The following NFATC3 variants were observed in gnomAD, a reference collection of about 807,000 sequenced individuals.
NFATC3 encodes nuclear factor of activated T cells 3.
A neutral mutation model predicts 98.6 loss-of-function variants in NFATC3; 46 were observed. The observed-to-expected ratio is 0.47, with a 90% CI of 0.37 to 0.60. The LOEUF is 0.60. Ranked by LOEUF, NFATC3 falls within the 20% of genes least tolerant of loss-of-function variation. NFATC3 has a pLI of 0.00. For missense variants in NFATC3, 1,256 were observed against 1,295.5 expected (o/e 0.97, Z 0.47); for synonymous variants, 512 against 472.2 (o/e 1.08, Z -1.09).
chr16:68,119,760 A>G (rs1209980092), intron 1 of NFATC3, among the ~76,000 whole-genome samples: 1 of 152,102 alleles, frequency 6.6e-6, no homozygotes, highest in Non-Finnish European at 1.5e-5. Context: ...AAATATCACT[A>G]CCTGACATAT....
At chr16:68,158,172 G>A in intron 4 of NFATC3, 104 bp downstream of exon 4, 1 of 715,914 alleles carries the variant, frequency 1.4e-6, no homozygotes, top group Non-Finnish European at 2.2e-6. Context: ...TGTTCTAAAT[G>A]GCATTATGTA....
At chr16:68,129,287 G>C (rs1220295114) in intron 3 of NFATC3, among the ~76,000 whole-genome samples, 1 of 152,116 alleles carries the variant, frequency 6.6e-6, no homozygotes, top group Non-Finnish European at 1.5e-5. Flanking sequence ...AAACAGCTGA[G>C]TCTCTCGTTA....
chr16:68,177,943 G>A (rs1598514953), intron 6 of NFATC3, among the ~76,000 whole-genome samples: 1 of 152,158 alleles, frequency 6.6e-6, no homozygotes, highest in East Asian at 1.9e-4. Context: ...AAATTTGACA[G>A]CCAGCTACTT....
intron 3 of NFATC3, among the ~76,000 whole-genome samples, chr16:68,142,860 T>C (rs1381246446): frequency 6.6e-6 from 1 of 152,170 alleles, no homozygotes; most frequent in Admixed American, 6.6e-5. Flanking sequence ...ACTTCTTCTT[T>C]TCCAACTTAA....
intron 1 of NFATC3, among the ~76,000 whole-genome samples, chr16:68,118,404 C>T (rs367988747): frequency 1.6e-4 from 25 of 152,292 alleles, no homozygotes; most frequent in African/African-American, 5.3e-4. Context: ...CCATCTATAA[C>T]AGTTTCTATA....
At chr16:68,180,271 C>G (rs2039899380) in intron 6 of NFATC3, among the ~76,000 whole-genome samples, 2 of 152,114 alleles carry the variant, frequency 1.3e-5, no homozygotes, top group Non-Finnish European at 2.9e-5. Flanking sequence ...CACAGAGAAG[C>G]AATCAAGATT....
At chr16:68,192,884 A>G (rs1253974921) in intron 9 of NFATC3, among the ~76,000 whole-genome samples, 1 of 152,084 alleles carries the variant, frequency 6.6e-6, no homozygotes, top group East Asian at 1.9e-4. Flanking sequence ...AAAGATCAGC[A>G]GAGATATGTA....
chr16:68,108,565 CTT>C (rs1282657881), intron 1 of NFATC3, among the ~76,000 whole-genome samples: 1 of 152,078 alleles, frequency 6.6e-6, no homozygotes, highest in African/African-American at 2.4e-5. Context: ...TACGGGCTCT[CTT>C]TTGGTTCCAT....
At chr16:68,204,415 A>AT (rs954006861) in intron 9 of NFATC3, among the ~76,000 whole-genome samples, 46 of 152,050 alleles carry the variant, frequency 3.0e-4, no homozygotes, top group Admixed American at 8.5e-4. Flanking sequence ...ATAAACTCAT[A>AT]TTTTTTTTGA....
rs78793111 is a variant in NFATC3 at position 68,137,316 on chromosome 16, A to C, written c.1401+10706A>C. ...CTTTTTTGTTTAAAATGCTGACACA[A>C]ACACACACATTAGCCCAGGCCTTCA... is the stretch of plus-strand genomic sequence containing the variant. On this transcript the variant is annotated intron_variant, in intron 3 of 9. Transcript: ENST00000346183. Among the ~76,000 whole-genome samples the C allele has an allele frequency of 3.2e-3, 482 of 152,172 alleles. 4 individuals are homozygous for C. Among genetic ancestry groups the C allele is most frequent in the African/African-American group, 0.011 (450 of 41,496 alleles).
intron 4 of NFATC3, among the ~76,000 whole-genome samples, chr16:68,159,229 A>G (rs1311482528): frequency 6.6e-6 from 1 of 152,044 alleles, no homozygotes; most frequent in East Asian, 1.9e-4. Context: ...GTGAGATCCT[A>G]TCTTTAAAAA....
chr16:68,191,186 T>C lies in NFATC3; in HGVS notation c.2517T>C (p.Ser839=). The change falls in exon 9 of 10, where the codon TCT becomes TCC. Residue 839 remains serine, a synonymous_variant. Transcript: ENST00000346183. ...SVLFQQDATL[S]GLVNLGCQPL... ...TGTTTCAGCAGGATGCAACTCTTTC[T>C]GGTTTAGTGAATCTTGGCTGTCAAC... 2.5e-6 allele frequency: 4 copies of C among 1,614,242 alleles called. No individual in the cohort carries two copies. The highest frequency in any genetic ancestry group is 3.4e-6 in the Non-Finnish European group (4 of 1,180,044).
intron 1 of NFATC3, among the ~76,000 whole-genome samples, chr16:68,119,133 C>G (rs2036445181): frequency 6.6e-6 from 1 of 152,166 alleles, no homozygotes; most frequent in Non-Finnish European, 1.5e-5. Flanking sequence ...TCTCAAAGTG[C>G]TGGGATTAAA....
intron 3 of NFATC3, among the ~76,000 whole-genome samples, chr16:68,132,249 A>G (rs531049605): frequency 4.0e-4 from 61 of 152,256 alleles, no homozygotes; most frequent in African/African-American, 1.1e-3. Flanking sequence ...AAGAACACAA[A>G]CTTTGATCTA....
At chr16:68,190,282 T>G (rs1314520822) in intron 8 of NFATC3, among the ~76,000 whole-genome samples, 2 of 152,180 alleles carry the variant, frequency 1.3e-5, no homozygotes. Context: ...AGAGTCATGA[T>G]TTCTGGTATA....
At chr16:68,092,375 C>G (rs999798355) in intron 1 of NFATC3, among the ~76,000 whole-genome samples, 7 of 151,204 alleles carry the variant, frequency 4.6e-5, no homozygotes, top group Admixed American at 4.6e-4. Context: ...ATTGCTTGAA[C>G]TTGGGAGGTG....
intron 3 of NFATC3, among the ~76,000 whole-genome samples, chr16:68,128,586 G>A (rs1265503687): frequency 6.6e-6 from 1 of 151,090 alleles, no homozygotes; most frequent in African/African-American, 2.4e-5. Context: ...CATGTGCTGT[G>A]GTCAAAAGAA....
intron 9 of NFATC3, among the ~76,000 whole-genome samples, chr16:68,207,083 G>C (rs1221381912): frequency 6.6e-6 from 1 of 151,548 alleles, no homozygotes; most frequent in Non-Finnish European, 1.5e-5. Context: ...GCTGAGGCAG[G>C]TGGATCACCT....
At chr16:68,202,401 G>A (rs1031206141) in intron 9 of NFATC3, among the ~76,000 whole-genome samples, 9 of 152,174 alleles carry the variant, frequency 5.9e-5, no homozygotes, top group African/African-American at 2.2e-4. Flanking sequence ...ACAACATTCA[G>A]GTGGTTACTT....
Sources: allele counts gnomAD v4.1 joint callset (sites outside exome capture counted in the v4.1 genomes callset), GRCh38; gene constraint gnomAD v4.1.1; transcripts MANE v1.5; gene names NCBI Gene and HGNC (gene_info 2026-07-23, HGNC 2026-07-21).